Variants in RELN observed in about 807,000 individuals in gnomAD.
RELN encodes reelin.
In RELN, 108 loss-of-function variants were observed where a neutral mutation model predicts 427.6. The observed-to-expected ratio is 0.25, with a 90% CI of 0.22 to 0.30. The LOEUF (loss-of-function observed/expected upper bound fraction) is 0.30, where lower values mean the gene tolerates loss of function less well. Among genes scored for constraint, RELN ranks in the 10% least tolerant of loss-of-function variants. The pLI is 1.00. For missense variants in RELN, 3,715 were observed against 4,302.8 expected, an observed-to-expected ratio of 0.86 and a Z score of 3.82; for synonymous variants, 1,524 against 1,513.4, an observed-to-expected ratio of 1.01 and a Z score of -0.16.
chr7:103,502,850 A>T (rs1230713213), intron 52 of RELN, among the ~76,000 whole-genome samples, 166 bp downstream of exon 52: 3 of 152,230 alleles, frequency 2.0e-5, no homozygotes, highest in Admixed American at 2.0e-4. Flanking sequence ...AAGTTAGCTC[A>T]TCATGGAAGT....
Position 103,606,185 on chromosome 7 carries a change from T to C in RELN, c.3009-1702A>G, listed in dbSNP as rs1156495076. Among the ~76,000 whole-genome samples the C allele has an allele frequency of 2.0e-5, 3 of 152,190 alleles. No individual in the cohort carries two copies. The East Asian group carries it at 5.8e-4, about 29-fold the overall frequency. On this transcript the variant is annotated intron_variant, in intron 22 of 64. Coordinates refer to ENST00000428762, the MANE Select transcript of RELN (RefSeq NM_005045.4). Reference sequence around the variant, plus strand: ...AAGATAGATTTTAATCTGAGTCAAGTCCACGGCCACGGGTGACTAGATTGT... The same window carrying C: ...AAGATAGATTTTAATCTGAGTCAAGCCCACGGCCACGGGTGACTAGATTGT...
chr7:103,869,515 A>T (rs560987170), intron 2 of RELN, among the ~76,000 whole-genome samples: 78 of 152,152 alleles, frequency 5.1e-4, no homozygotes, highest in Middle Eastern at 3.2e-3. Context: ...TGAGGATATT[A>T]GTATATTTAT....
intron 41 of RELN, among the ~76,000 whole-genome samples, chr7:103,547,354 T>C (rs575103125): frequency 1.9e-4 from 29 of 152,342 alleles, no homozygotes; most frequent in Non-Finnish European, 4.1e-4. Flanking sequence ...TTGAGTGCAG[T>C]GGCACGATCT....
chr7:103,823,087 T>A (rs964689035), intron 3 of RELN, among the ~76,000 whole-genome samples: 3 of 152,084 alleles, frequency 2.0e-5, no homozygotes, highest in African/African-American at 7.2e-5. Flanking sequence ...TATTTTGTTC[T>A]TAGGTAATTG....
chr7:103,825,076 C>G (rs1396934869), intron 3 of RELN, among the ~76,000 whole-genome samples: 1 of 151,934 alleles, frequency 6.6e-6, no homozygotes, highest in East Asian at 1.9e-4. Context: ...CTATTATGAC[C>G]ATCATTATCA....
chr7:103,778,464 T>C (rs1791801820), intron 3 of RELN, among the ~76,000 whole-genome samples: 1 of 152,226 alleles, frequency 6.6e-6, no homozygotes, highest in South Asian at 2.1e-4. Flanking sequence ...ATAATATTCC[T>C]ATCATAATAT....
intron 3 of RELN, among the ~76,000 whole-genome samples, chr7:103,819,243 T>A (rs1271050351): frequency 6.6e-6 from 1 of 152,288 alleles, no homozygotes; most frequent in South Asian, 2.1e-4. Flanking sequence ...ACTCTATTTA[T>A]GACATATATT....
At chr7:103,502,948 CAACAGTGTACCT>C (rs1283501836) in intron 52 of RELN, 56 bp downstream of exon 52, 45 of 1,297,386 alleles carry the variant, frequency 3.5e-5, no homozygotes, top group Non-Finnish European at 4.7e-5. Context: ...TCAGGCATGA[CAACAGTGTACCT>C]AATGGTGTAC....
chr7:103,757,496 C>T (rs1453825375), intron 4 of RELN, among the ~76,000 whole-genome samples: 7 of 151,986 alleles, frequency 4.6e-5, no homozygotes, highest in African/African-American at 1.2e-4. Context: ...TAAAATTGCA[C>T]GATTAAAACC....
Position 103,988,955 on chromosome 7 carries a change from C to G in RELN, c.226+176G>C, listed in dbSNP as rs1797160898. Among the ~76,000 whole-genome samples, 1 of 152,142 alleles carries G rather than the reference C, an allele frequency of 6.6e-6. No individual in the cohort carries two copies. The highest frequency in any genetic ancestry group is 1.5e-5 in the Non-Finnish European group (1 of 68,028). ...TGGGGACATGGAGAATGAATCCCAA[C>G]TTGTGACTCCATTCTCCACTAACTT... On this transcript the variant is annotated intron_variant, in intron 1 of 64. Transcript: ENST00000428762. The surrounding 1 kb of genome is among the most constrained non-coding windows in gnomAD (Gnocchi z 4.9).
chr7:103,648,810 T>C (rs189319295), intron 16 of RELN, among the ~76,000 whole-genome samples: 2 of 151,946 alleles, frequency 1.3e-5, no homozygotes, highest in Admixed American at 1.3e-4. Context: ...AAAGAAGACA[T>C]ACAAATGACC....
rs1355950179 is a variant in RELN, at chr7:103,953,423, G to T, written c.226+35708C>A. ...GTGATTCAATCACTTGTAACATTCA[G>T]TTTTCTTTGTAGCTTCATTGAAAGC... On this transcript the variant is annotated intron_variant, in intron 1 of 64. Transcript: ENST00000428762. The surrounding 1 kb of genome is among the most constrained non-coding windows in gnomAD (Gnocchi z 4.3). Among the ~76,000 whole-genome samples, 1 of 152,112 alleles carries T rather than the reference G, an allele frequency of 6.6e-6. No individual in the cohort carries two copies. The highest frequency in any genetic ancestry group is 1.5e-5 in the Non-Finnish European group (1 of 68,044).
intron 8 of RELN, among the ~76,000 whole-genome samples, chr7:103,702,204 A>C (rs146047746): frequency 7.2e-4 from 109 of 152,360 alleles, no homozygotes; most frequent in African/African-American, 2.6e-3. Flanking sequence ...GCAGCTGCTT[A>C]AAATAAATAT....
In RELN at chr7:103,888,236, GA is replaced by G. The variant is rs569985640; in HGVS notation, c.337+28838del. Among the ~76,000 whole-genome samples the G allele has an allele frequency of 2.2e-3, 223 of 103,584 alleles. 1 individual carries two copies. Among genetic ancestry groups the G allele is most frequent in the South Asian group, 7.2e-3 (27 of 3,728 alleles). 68.0% of individuals were successfully genotyped at this position (103,584 alleles called of 152,430 possible). On this transcript the variant is annotated intron_variant, in intron 2 of 64. Transcript: ENST00000428762. ...AGCTCTTTTATACCAGCTCTTTTAA[GA>G]AAAAAAAATATATATATATATATCA...
chr7:103,686,355 A>G (rs1377503176), intron 10 of RELN, among the ~76,000 whole-genome samples: 3 of 152,194 alleles, frequency 2.0e-5, no homozygotes, highest in African/African-American at 7.2e-5. Context: ...TGCGCTTTAA[A>G]AGGAAGCTAA....
At chr7:103,653,670 A>G (rs566905506) in intron 13 of RELN, among the ~76,000 whole-genome samples, 13 of 152,102 alleles carry the variant, frequency 8.5e-5, no homozygotes, top group Non-Finnish European at 1.5e-4. Flanking sequence ...CTCAATCGGT[A>G]GCTCTAGTTA....
chr7:103,599,261 T>C (rs1365064851), intron 24 of RELN, among the ~76,000 whole-genome samples: 1 of 152,186 alleles, frequency 6.6e-6, no homozygotes, highest in Non-Finnish European at 1.5e-5. Flanking sequence ...TTTTTTTCAT[T>C]CATTTATTCA....
At chr7:103,787,135 A>T (rs576246689) in intron 3 of RELN, among the ~76,000 whole-genome samples, 3 of 151,892 alleles carry the variant, frequency 2.0e-5, no homozygotes, top group Non-Finnish European at 4.4e-5. Flanking sequence ...AAATAAATAA[A>T]CTCTTTGAAA....
chr7:103,518,618 G>A (rs576005079), intron 49 of RELN, among the ~76,000 whole-genome samples: 22 of 151,398 alleles, frequency 1.5e-4, no homozygotes, highest in Admixed American at 1.2e-3. Context: ...TTACAGGTGT[G>A]AGCCACCATG....
Sources: gnomAD v4.1 joint callset for allele counts (sites outside exome capture counted in the v4.1 genomes callset) on GRCh38, gnomAD v4.1.1 for gene constraint, Gnocchi (gnomAD v3.1) non-coding constraint, MANE v1.5 for transcripts, NCBI Gene and HGNC (gene_info 2026-07-23, HGNC 2026-07-21) for gene names.